CNTN4: variants seen among roughly 807,000 people sequenced by gnomAD.
CNTN4 encodes the protein contactin 4.
Under a neutral mutation model 122.5 loss-of-function variants are expected in CNTN4, and 77 were observed. The observed-to-expected ratio is 0.63, with a 90% CI of 0.52 to 0.76. CNTN4 has a LOEUF of 0.76. CNTN4 is among the 30% of genes least tolerant of loss of function. CNTN4 has a pLI of 0.00. For missense variants in CNTN4, 1,256 were observed against 1,259.1 expected (o/e 1.00, Z 0.04); for synonymous variants, 512 against 447.0 (o/e 1.15, Z -1.83).
intron 6 of CNTN4, among the ~76,000 whole-genome samples, chr3:2,800,976 C>T (rs2092333703): frequency 1.3e-5 from 2 of 152,226 alleles, no homozygotes; most frequent in African/African-American, 4.8e-5. Context: ...TTCCTTCCTA[C>T]TCCCAGCTCT....
chr3:2,177,656 T>TTGTGTG (rs60145608), intron 2 of CNTN4, among the ~76,000 whole-genome samples: 14,528 of 147,400 alleles, frequency 0.099, 820 homozygotes, highest in Admixed American at 0.17. Flanking sequence ...GTGTGTGTGT[T>TTGTGTG]TGTGTGTGTG....
intron 2 of CNTN4, among the ~76,000 whole-genome samples, chr3:2,207,574 G>A (rs1487432060): frequency 2.0e-5 from 3 of 152,136 alleles, no homozygotes; most frequent in East Asian, 1.9e-4. Flanking sequence ...AGCCAGGAAC[G>A]AAGTGTCTAA....
At chr3:2,606,245 G>T (rs1056210930) in intron 4 of CNTN4, among the ~76,000 whole-genome samples, 2 of 152,156 alleles carry the variant, frequency 1.3e-5, no homozygotes, top group Non-Finnish European at 2.9e-5. Context: ...TTGGCAATAA[G>T]AAGTTATTGT....
chr3:2,122,137 A>C (rs1298993862), intron 2 of CNTN4, among the ~76,000 whole-genome samples: 2 of 149,782 alleles, frequency 1.3e-5, no homozygotes, highest in Non-Finnish European at 3.0e-5. Flanking sequence ...CCTGGGCGAC[A>C]GAGCGACACT....
At chr3:2,758,436 G>C (rs900573066) in intron 6 of CNTN4, among the ~76,000 whole-genome samples, 4 of 151,080 alleles carry the variant, frequency 2.6e-5, no homozygotes, top group Non-Finnish European at 5.9e-5. Flanking sequence ...TCCAATAAAG[G>C]TGCATATTCC....
chr3:2,984,476 C>T (rs561005408), intron 13 of CNTN4, among the ~76,000 whole-genome samples: 111 of 152,160 alleles, frequency 7.3e-4, no homozygotes, highest in African/African-American at 2.4e-3. Flanking sequence ...TGCCCATTAT[C>T]CCCCCCAGGA....
At chr3:2,758,817 A>G (rs11712288) in intron 6 of CNTN4, among the ~76,000 whole-genome samples, 74,836 of 145,444 alleles carry the variant, frequency 0.51, 20,400 homozygotes, top group Non-Finnish European at 0.65. Context: ...CCAGTACCAT[A>G]CTTTTTTTTA....
chr3:3,047,004 C>T (rs1700730364), intron 23 of CNTN4, among the ~76,000 whole-genome samples: 1 of 146,830 alleles, frequency 6.8e-6, no homozygotes, highest in Non-Finnish European at 1.5e-5. Flanking sequence ...AGACTTTAAA[C>T]CAACAAAGAT....
intron 10 of CNTN4, among the ~76,000 whole-genome samples, chr3:2,894,892 A>G (rs17021982): frequency 0.11 from 16,365 of 152,212 alleles, 948 homozygotes; most frequent in South Asian, 0.17. Flanking sequence ...GGAGTGGAGG[A>G]CAAAGACCCT....
chr3:2,332,062 A>G (rs2043750106), intron 2 of CNTN4, among the ~76,000 whole-genome samples: 1 of 152,122 alleles, frequency 6.6e-6, no homozygotes. Flanking sequence ...ACCTGGTGCC[A>G]TCCCCTTTAG....
intron 4 of CNTN4, among the ~76,000 whole-genome samples, chr3:2,612,168 A>G (rs1020089802): frequency 2.0e-4 from 31 of 151,994 alleles, no homozygotes; most frequent in African/African-American, 6.8e-4. Flanking sequence ...TTGACTTACA[A>G]TAGGGTTACA....
intron 6 of CNTN4, among the ~76,000 whole-genome samples, chr3:2,816,009 A>G (rs57874431): frequency 0.21 from 31,435 of 151,290 alleles, 5,293 homozygotes; most frequent in African/African-American, 0.45. Flanking sequence ...CAAATATCGT[A>G]TGTTCTCACT....
At chr3:2,370,208 A>G (rs1189200192) in intron 3 of CNTN4, among the ~76,000 whole-genome samples, 2 of 152,210 alleles carry the variant, frequency 1.3e-5, no homozygotes, top group Non-Finnish European at 2.9e-5. Context: ...GCCCCATGTC[A>G]CAAAATTTAT....
At chr3:2,354,317 G>T (rs372983130) in intron 3 of CNTN4, among the ~76,000 whole-genome samples, 2 of 152,164 alleles carry the variant, frequency 1.3e-5, no homozygotes, top group African/African-American at 4.8e-5. Flanking sequence ...GATCACCTGA[G>T]GTCAGGAGTT....
chr3:3,003,360 G>A (rs1425448664), intron 14 of CNTN4, among the ~76,000 whole-genome samples: 1 of 152,022 alleles, frequency 6.6e-6, no homozygotes, highest in Admixed American at 6.5e-5. Flanking sequence ...GCTGATGAAT[G>A]GATAAACCAA....
At chr3:2,427,353 T>C (rs2047879732) in intron 3 of CNTN4, among the ~76,000 whole-genome samples, 1 of 152,232 alleles carries the variant, frequency 6.6e-6, no homozygotes, top group African/African-American at 2.4e-5. Context: ...CAGGAGCAGG[T>C]TGCTCAGTTT....
At chr3:2,563,933 A>G (rs1458907409) in intron 3 of CNTN4, among the ~76,000 whole-genome samples, 1 of 152,108 alleles carries the variant, frequency 6.6e-6, no homozygotes, top group East Asian at 1.9e-4. Flanking sequence ...AAAAAAAAGA[A>G]AAGCAGTATA....
chr3:2,800,541 A>T (rs2092323102), intron 6 of CNTN4, among the ~76,000 whole-genome samples: 1 of 152,160 alleles, frequency 6.6e-6, no homozygotes, highest in South Asian at 2.1e-4. Flanking sequence ...TCATCTTTGC[A>T]ACTTTCATTT....
chr3:2,513,088 T>C (rs535869751), intron 3 of CNTN4, among the ~76,000 whole-genome samples: 6 of 152,302 alleles, frequency 3.9e-5, no homozygotes, highest in South Asian at 4.1e-4. Context: ...CTCTGGTACC[T>C]CTGAGTAGCA....
Sources: gnomAD v4.1 joint callset for allele counts (sites outside exome capture counted in the v4.1 genomes callset) on GRCh38, gnomAD v4.1.1 for gene constraint, MANE v1.5 for transcripts, NCBI Gene and HGNC (gene_info 2026-07-23, HGNC 2026-07-21) for gene names.